Variants in LIPA observed in about 807,000 individuals in gnomAD.
The protein encoded by LIPA is lysosomal acid lipase/cholesteryl ester hydrolase.
LIPA carries 26 observed loss-of-function variants against 40.6 expected under a neutral mutation model. The ratio of observed to expected loss-of-function variants is 0.64; its 90% CI spans 0.47 to 0.89. The LOEUF (loss-of-function observed/expected upper bound fraction) is 0.89, where lower values mean the gene tolerates loss of function less well. Among genes scored for constraint, LIPA ranks in the 40% least tolerant of loss-of-function variants. The probability of loss-of-function intolerance (pLI) is 0.00; values close to 1 mark genes in which losing one functional copy is unlikely to be tolerated. For synonymous variants in LIPA, 188 were observed against 168.4 expected, an observed-to-expected ratio of 1.12 and a Z score of -0.90; for missense variants, 455 against 479.6, an observed-to-expected ratio of 0.95 and a Z score of 0.48.
At chr10:89,344,001 A>G (rs1221794011), upstream of LIPA, among the ~76,000 whole-genome samples, 3 of 152,076 alleles carry the variant, frequency 2.0e-5, no homozygotes, top group Non-Finnish European at 4.4e-5. Context: ...TTTCAACCTC[A>G]CCTCCACCAC....
chr10:89,365,072 C>T (rs2133594258), intron 2 of LIPA, among the ~76,000 whole-genome samples: 1 of 152,272 alleles, frequency 6.6e-6, no homozygotes, highest in Non-Finnish European at 1.5e-5. Flanking sequence ...TATTTAAGGG[C>T]TGGGAAAGGA....
intron 1 of LIPA, among the ~76,000 whole-genome samples, chr10:89,298,842 C>G (rs1469686512): frequency 4.6e-5 from 7 of 151,714 alleles, no homozygotes; most frequent in Non-Finnish European, 1.0e-4. Context: ...AAAAATTAGC[C>G]AGGCACGGTG....
chr10:89,383,796 G>C (rs775389107), intron 2 of LIPA: 12 of 1,614,170 alleles, frequency 7.4e-6, no homozygotes, highest in Non-Finnish European at 1.0e-5. Flanking sequence ...AACGGGCCAA[G>C]ACCTGCTTTG....
chr10:89,291,374 C>T (rs1843373737), intron 1 of LIPA, among the ~76,000 whole-genome samples: 1 of 152,172 alleles, frequency 6.6e-6, no homozygotes, highest in Admixed American at 6.5e-5. Flanking sequence ...CACCCTATTT[C>T]CCAGTCTCCA....
At chr10:89,217,441 CA>C (rs1398483930) in intron 8 of LIPA, among the ~76,000 whole-genome samples, 2 of 152,186 alleles carry the variant, frequency 1.3e-5, no homozygotes, top group African/African-American at 4.8e-5. Context: ...CCATCTTTGT[CA>C]GTGAAAATAT....
chr10:89,248,442 A>ATTTTATATT (rs1459065726), intron 1 of LIPA, among the ~76,000 whole-genome samples: 3 of 136,416 alleles, frequency 2.2e-5, no homozygotes, highest in Non-Finnish European at 3.2e-5. Flanking sequence ...TTATTATTTT[A>ATTTTATATT]TATTTATTTA....
intron 1 of LIPA, chr10:89,306,279 G>A (rs945161247): frequency 6.2e-6 from 10 of 1,614,078 alleles, no homozygotes; most frequent in Non-Finnish European, 8.5e-6. Flanking sequence ...TATCACATGG[G>A]CCGACTCTCA....
intron 2 of LIPA, among the ~76,000 whole-genome samples, chr10:89,355,905 C>T (rs1251174775): frequency 6.6e-6 from 1 of 152,234 alleles, no homozygotes; most frequent in Non-Finnish European, 1.5e-5. Flanking sequence ...ATCCTCAATT[C>T]TGTGAATTGC....
chr10:89,377,051 G>T (rs1022572441), intron 2 of LIPA, among the ~76,000 whole-genome samples: 4 of 152,196 alleles, frequency 2.6e-5, no homozygotes, highest in African/African-American at 7.2e-5. Flanking sequence ...ACAAAACCAA[G>T]ATCCAGAAAC....
chr10:89,234,620 C>G (rs1279447278), intron 3 of LIPA, among the ~76,000 whole-genome samples: 1 of 152,206 alleles, frequency 6.6e-6, no homozygotes, highest in Admixed American at 6.5e-5. Context: ...GCCAGCTTCT[C>G]TCACCTGCTC....
At chr10:89,348,068 A>G (rs965773576) in intron 2 of LIPA, among the ~76,000 whole-genome samples, 9 of 152,202 alleles carry the variant, frequency 5.9e-5, no homozygotes, top group Non-Finnish European at 1.0e-4. Context: ...AGTGAGGAAG[A>G]CATCTGAGGT....
chr10:89,301,625 T>C (rs1440317971), intron 1 of LIPA, among the ~76,000 whole-genome samples: 2 of 152,252 alleles, frequency 1.3e-5, no homozygotes, highest in African/African-American at 2.4e-5. Context: ...GATGAAGGAC[T>C]ACATTAAAAG....
intron 3 of LIPA, among the ~76,000 whole-genome samples, chr10:89,240,857 A>ATTGTGCAT (rs1842956809): frequency 6.6e-6 from 1 of 152,160 alleles, no homozygotes; most frequent in South Asian, 2.1e-4. Flanking sequence ...ATGTCACAGG[A>ATTGTGCAT]GGGCTGCAGG....
chr10:89,398,780 A>G (rs183008366), intron 2 of LIPA, among the ~76,000 whole-genome samples: 39 of 152,292 alleles, frequency 2.6e-4, no homozygotes, highest in Admixed American at 6.5e-4. Flanking sequence ...TCATCCATCA[A>G]TGGACACTTA....
chr10:89,395,696 A>G (rs764832246), intron 2 of LIPA, among the ~76,000 whole-genome samples: 2 of 152,196 alleles, frequency 1.3e-5, no homozygotes, highest in African/African-American at 4.8e-5. Context: ...CTGTTCATCA[A>G]AATAAAGAAG....
chr10:89,291,272 C>A (rs1049275971), intron 1 of LIPA, among the ~76,000 whole-genome samples: 1 of 151,570 alleles, frequency 6.6e-6, no homozygotes, highest in Middle Eastern at 3.5e-3. Context: ...AGATTCCTTC[C>A]TTTTTAGCTT....
At chr10:89,307,651 A>G (rs1843491316) in intron 1 of LIPA, 2 of 320,804 alleles carry the variant, frequency 6.2e-6, no homozygotes, top group Admixed American at 4.5e-5. Flanking sequence ...GAACTGTAAC[A>G]TTTGCTTAGT....
chr10:89,383,227 T>C, intron 2 of LIPA: 2 of 1,103,782 alleles, frequency 1.8e-6, no homozygotes, highest in South Asian at 1.5e-5. Context: ...GAAATTAGGA[T>C]AGAGCATATT....
intron 2 of LIPA, among the ~76,000 whole-genome samples, chr10:89,389,733 A>G (rs1244833230): frequency 3.3e-5 from 5 of 152,176 alleles, no homozygotes; most frequent in African/African-American, 1.2e-4. Context: ...CTTTTTCCAT[A>G]TCATCCTGTG....
Sources: gnomAD v4.1 joint callset for allele counts (sites outside exome capture counted in the v4.1 genomes callset) on GRCh38, gnomAD v4.1.1 for gene constraint, MANE v1.5 for transcripts, NCBI Gene and HGNC (gene_info 2026-07-23, HGNC 2026-07-21) for gene names.